The following AKNA variants were observed in gnomAD, a reference collection of about 807,000 sequenced individuals.
AKNA encodes the protein microtubule organization protein AKNA.
AKNA carries 67 observed loss-of-function variants against 138.8 expected under a neutral mutation model. That is an observed-to-expected ratio of 0.48 (90% CI 0.40 to 0.59). The LOEUF is 0.59. AKNA is among the 20% of genes least tolerant of loss of function. AKNA has a pLI of 0.00. For missense variants in AKNA, 1,813 were observed against 1,880.4 expected, an observed-to-expected ratio of 0.96 and a Z score of 0.66; for synonymous variants, 737 against 754.4, an observed-to-expected ratio of 0.98 and a Z score of 0.38.
chr9:114,347,926 A>G (rs1160588362), intron 15 of AKNA, 26 bp from the exon 16 acceptor site: 2 of 1,547,570 alleles, frequency 1.3e-6, no homozygotes, highest in Non-Finnish European at 1.7e-6. Flanking sequence ...AGACAGAAAC[A>G]AAGAACAGAG....
chr9:114,352,107 T>C (rs1831165771), intron 14 of AKNA, among the ~76,000 whole-genome samples: 3 of 152,148 alleles, frequency 2.0e-5, no homozygotes, highest in Admixed American at 2.0e-4. Flanking sequence ...GGTGTGCCTA[T>C]GAAAGGGTAG....
chr9:114,377,499 C>T lies in AKNA; in HGVS notation c.308G>A (p.Ser103Asn). 6.2e-7 allele frequency: 1 copy of T among 1,610,104 alleles called. No individual in the cohort carries two copies. ...GAGCCAGGCAAGAGGCTCATGGGAA[C>T]TTGCTGGGCTGTCCACATCCTCTGC... ...AEAEDVDSPA[S>N]SHEPLAWLPQ... is the part of the protein sequence containing the mutation. Residue 103 changes from serine to asparagine, a missense_variant, in exon 3 of 22, where the codon AGT becomes AAT. Physicochemically the swap from Ser to Asn is conservative, Grantham distance 46. Coordinates refer to ENST00000374088, the MANE Select transcript of AKNA (RefSeq NM_001317950.2).
upstream of AKNA, chr9:114,388,188 G>C: frequency 4.6e-6 from 1 of 219,062 alleles, no homozygotes; most frequent in Non-Finnish European, 9.9e-6. Context: ...CGCTGCCCAG[G>C]AAAGGACTCA....
chr9:114,376,453 G>A lies in AKNA; in HGVS notation c.1341+13C>T, dbSNP rs1249613165. ...GCCTTGGTGACACATCCACAGCCAT[G>A]AGTCCCACTAACCTGGAGCTGATGG... On this transcript the variant is annotated intron_variant, in intron 3 of 21. Transcript: ENST00000374088. 1 of 1,613,584 alleles carries A rather than the reference G, an allele frequency of 6.2e-7. No homozygotes were observed. The highest frequency in any genetic ancestry group is 1.7e-5 in the Admixed American group (1 of 59,994).
chr9:114,383,817 G>A (rs570556523), intron 1 of AKNA, among the ~76,000 whole-genome samples: 1 of 152,200 alleles, frequency 6.6e-6, no homozygotes, highest in South Asian at 2.1e-4. Context: ...TCAAGGGCTG[G>A]AGGAGGGAGG....
At chr9:114,350,737 T>C in intron 15 of AKNA, 122 bp downstream of exon 15, 1 of 1,174,032 alleles carries the variant, frequency 8.5e-7, no homozygotes, top group Non-Finnish European at 1.2e-6. Context: ...TGGGTCCGTC[T>C]GCTCCTACCA....
chr9:114,366,148 G>A (rs1016367161), intron 6 of AKNA, among the ~76,000 whole-genome samples: 4 of 151,962 alleles, frequency 2.6e-5, no homozygotes, highest in South Asian at 2.1e-4. Flanking sequence ...GCATGGTGGC[G>A]CGTGCCTGTA....
rs553509904 is a variant in AKNA, at chr9:114,339,600, C to G, written c.4067+1933G>C. The stretch of plus-strand genomic sequence containing the variant: ...AGCCTGGAAGAATGTGAAATGGGGC[C>G]TCAGGAGAAGTAAAGACTCCATGGC... On this transcript the variant is annotated intron_variant, in intron 21 of 21. Coordinates refer to ENST00000374088, the MANE Select transcript of AKNA (RefSeq NM_001317950.2). Among the ~76,000 whole-genome samples, 307 of 152,308 alleles carry G rather than the reference C, an allele frequency of 2.0e-3. 2 individuals are homozygous for G. The highest frequency in any genetic ancestry group is 3.2e-3 in the Non-Finnish European group (220 of 68,034).
At chr9:114,357,052 C>T (rs372032326) in intron 12 of AKNA, 83 bp from the exon 13 acceptor site, 106 of 1,276,974 alleles carry the variant, frequency 8.3e-5, no homozygotes, top group South Asian at 5.5e-4. Flanking sequence ...GGCCTGGCCT[C>T]ACCTCCCAGA....
At chr9:114,373,290 T>G in intron 4 of AKNA, among the ~76,000 whole-genome samples, 1 of 150,008 alleles carries the variant, frequency 6.7e-6, no homozygotes, top group Non-Finnish European at 1.5e-5. Context: ...GAAGACGGGG[T>G]GGGGGCTGGG....
chr9:114,331,725 C>T, downstream of AKNA: 1 of 1,586,494 alleles, frequency 6.3e-7, no homozygotes. Context: ...GCCTCACCCC[C>T]CATTCACCCA....
At chr9:114,396,197 C>G (rs1834528431), upstream of AKNA, among the ~76,000 whole-genome samples, 1 of 152,120 alleles carries the variant, frequency 6.6e-6, no homozygotes, top group African/African-American at 2.4e-5. Context: ...TCACTTCTTG[C>G]AGTAAAAGCC....
chr9:114,388,376 C>T (rs1207807722), upstream of AKNA, among the ~76,000 whole-genome samples: 1 of 152,194 alleles, frequency 6.6e-6, no homozygotes, highest in East Asian at 1.9e-4. Flanking sequence ...GAGGCTCCTT[C>T]CCTCACTAGG....
intron 1 of AKNA, among the ~76,000 whole-genome samples, chr9:114,382,856 G>T (rs1269991193): frequency 2.0e-5 from 3 of 152,132 alleles, no homozygotes. Flanking sequence ...TGCTTGCTGG[G>T]TATGGGATTT....
In AKNA at chr9:114,346,010, C is replaced by T. The variant is rs754572689; in HGVS notation, c.3515-1G>A. On this transcript the variant is annotated splice_acceptor_variant, in intron 17 of 21. Transcript: ENST00000374088. LOFTEE classifies it high-confidence loss of function. ...AGGGAGGGCAGCTCAGATTCTGAAC[C>T]TGGGGTAGAAAAAGTGGGGCATCAG... The T allele has an allele frequency of 6.2e-7, 1 of 1,610,670 alleles. No homozygotes were observed.
intron 4 of AKNA, among the ~76,000 whole-genome samples, chr9:114,369,470 G>A (rs551249246): frequency 1.3e-5 from 2 of 152,250 alleles, no homozygotes; most frequent in East Asian, 3.9e-4. Flanking sequence ...GAGAAAGTTT[G>A]CCAACTCTGG....
chr9:114,342,955 A>C (rs1830460056), intron 19 of AKNA, among the ~76,000 whole-genome samples: 2 of 152,226 alleles, frequency 1.3e-5, no homozygotes, highest in South Asian at 4.1e-4. Context: ...AGTGGTGAAA[A>C]GGTGGGACTC....
At chr9:114,331,733 C>G, downstream of AKNA, 3 of 1,585,004 alleles carry the variant, frequency 1.9e-6, no homozygotes, top group Non-Finnish European at 2.6e-6. Flanking sequence ...CCCCATTCAC[C>G]CACCCCTGGG....
chr9:114,388,044 G>C (rs983763971), upstream of AKNA: 4 of 265,384 alleles, frequency 1.5e-5, no homozygotes, highest in Non-Finnish European at 3.3e-5. Flanking sequence ...CCCCTGCCGT[G>C]GTTGAGGCCG....
Sources: gnomAD v4.1 joint callset for allele counts (sites outside exome capture counted in the v4.1 genomes callset) on GRCh38, gnomAD v4.1.1 for gene constraint, MANE v1.5 for transcripts, NCBI Gene and HGNC (gene_info 2026-07-23, HGNC 2026-07-21) for gene names.